KALRN: variants seen among roughly 807,000 people sequenced by gnomAD.
The protein encoded by KALRN is kalirin.
KALRN carries 70 observed loss-of-function variants against 353.7 expected under a neutral mutation model. That is an observed-to-expected ratio of 0.20 (90% confidence interval 0.16 to 0.24). KALRN has a LOEUF of 0.24. Among genes scored for constraint, KALRN ranks in the 10% least tolerant of loss-of-function variants. KALRN has a pLI of 1.00. For synonymous variants in KALRN, 1,391 were observed against 1,434.8 expected (o/e 0.97, Z 0.69); for missense variants, 2,791 against 3,756.7 (o/e 0.74, Z 6.72).
intron 34 of KALRN, among the ~76,000 whole-genome samples, chr3:124,590,556 A>G (rs1312770124): frequency 6.6e-6 from 1 of 152,090 alleles, no homozygotes; most frequent in African/African-American, 2.4e-5. Context: ...CTGATATTCT[A>G]TTTTGTGGTA....
rs2063381701 is a variant in KALRN at position 124,723,303 on chromosome 3, C to T, written c.*3833C>T. The T allele has an allele frequency of 6.6e-6, 1 of 152,146 alleles. No individual in the cohort carries two copies. Among genetic ancestry groups the T allele is most frequent in the African/African-American group, 2.4e-5 (1 of 41,428 alleles). 9.4% of individuals were successfully genotyped at this position (152,146 alleles called of 1,614,324 possible). A position where few individuals can be genotyped will look rare whatever the true frequency, so the allele number is the denominator to read the frequency against. ...AAACATCTGAATATAGGGGTGGGAC[C>T]AGGAATGTTTGAGTTTCAATCTCAG... On this transcript the variant is annotated 3_prime_UTR_variant, in exon 60 of 60. Transcript: ENST00000682506.
intron 3 of KALRN, among the ~76,000 whole-genome samples, chr3:124,259,095 GA>G (rs1244661548): frequency 2.0e-5 from 3 of 152,206 alleles, no homozygotes; most frequent in African/African-American, 7.2e-5. Context: ...TAGGAAAGGG[GA>G]AAAACCAACT....
chr3:124,606,225 G>A (rs1046069988), intron 34 of KALRN, among the ~76,000 whole-genome samples: 34 of 152,134 alleles, frequency 2.2e-4, no homozygotes, highest in African/African-American at 6.3e-4. Context: ...ATTATACTTC[G>A]GGGCAATTAT....
chr3:124,430,724 G>A lies in KALRN; in HGVS notation c.2778G>A (p.Ser926=), dbSNP rs764238937. 1.8e-5 allele frequency: 29 copies of A among 1,614,118 alleles called. No homozygotes were observed. The highest frequency in any genetic ancestry group is 2.1e-5 in the Non-Finnish European group (25 of 1,180,002). ...NASLVNASSL[S]EAEQLQREHE... The stretch of plus-strand genomic sequence containing the variant: ...GCCTGGTCAATGCCAGCTCTTTGTC[G>A]GAAGCAGAGCAGCTGCAGCGGGAGC... Residue 926 remains serine, a synonymous_variant, in exon 16 of 60, where the codon TCG becomes TCA. Transcript: ENST00000682506.
At chr3:124,102,482 G>A (rs1316605263) in intron 1 of KALRN, among the ~76,000 whole-genome samples, 2 of 152,166 alleles carry the variant, frequency 1.3e-5, no homozygotes, top group African/African-American at 4.8e-5. Flanking sequence ...GTCACTAGGT[G>A]CATGGCTAGT....
chr3:124,133,460 A>G (rs2065549159), intron 1 of KALRN, among the ~76,000 whole-genome samples: 1 of 152,252 alleles, frequency 6.6e-6, no homozygotes, highest in African/African-American at 2.4e-5. Flanking sequence ...GTCTGCTAGA[A>G]TAAGCACAGA....
chr3:124,693,815 A>T lies in KALRN; in HGVS notation c.7389A>T (p.Pro2463=). ...DPNTSMEILN[P]NFIQEVAPEF... ...TTTTTGTTTTTCAGATCTTAAATCC[A>T]AATTTCATCCAAGAAGGTGAGTTAA... Residue 2463 remains proline, a synonymous_variant, in exon 52 of 60, where the codon CCA becomes CCT. Transcript: ENST00000682506. The T allele has an allele frequency of 6.4e-7, 1 of 1,571,390 alleles. No individual in the cohort carries two copies. Among genetic ancestry groups the T allele is most frequent in the Non-Finnish European group, 8.7e-7 (1 of 1,149,068 alleles).
intron 1 of KALRN, among the ~76,000 whole-genome samples, chr3:124,200,925 A>G (rs566523722): frequency 6.6e-6 from 1 of 152,330 alleles, no homozygotes; most frequent in South Asian, 2.1e-4. Context: ...TTTATTATCA[A>G]GGATAGAGAG....
At chr3:124,225,457 C>A (rs957744458) in intron 1 of KALRN, among the ~76,000 whole-genome samples, 7 of 152,206 alleles carry the variant, frequency 4.6e-5, no homozygotes, top group Non-Finnish European at 8.8e-5. Context: ...CCAGGCCCAG[C>A]AGTGGCCTCT....
In KALRN at chr3:124,508,935, A is replaced by G. The variant is rs77665033; in HGVS notation, c.4935+12522A>G. ...AAGTTGAACATCTTTTCCTGTTTGT[A>G]TTGGGCCTTTGATTTTCTCTTTTAT... On this transcript the variant is annotated intron_variant, in intron 33 of 59. Coordinates refer to ENST00000682506, the MANE Select transcript of KALRN (RefSeq NM_001388419.1). Among the ~76,000 whole-genome samples, 1,474 of 152,202 alleles carry G rather than the reference A, an allele frequency of 9.7e-3. 23 individuals carry two copies. The highest frequency in any genetic ancestry group is 0.033 in the African/African-American group (1,371 of 41,528).
intron 10 of KALRN, among the ~76,000 whole-genome samples, chr3:124,368,346 G>GAT (rs2085292396): frequency 2.0e-5 from 3 of 149,152 alleles, no homozygotes; most frequent in South Asian, 2.1e-4. Flanking sequence ...TTTCTCAGAC[G>GAT]GGGCGGCCGG....
intron 5 of KALRN, among the ~76,000 whole-genome samples, chr3:124,275,816 T>C (rs2074653167): frequency 7.9e-6 from 1 of 126,142 alleles, no homozygotes; most frequent in African/African-American, 3.0e-5. Context: ...GTGTAGATTC[T>C]TGGGGGTCCT....
intron 23 of KALRN, among the ~76,000 whole-genome samples, chr3:124,460,859 T>C (rs1220007895): frequency 6.6e-6 from 1 of 152,210 alleles, no homozygotes; most frequent in Non-Finnish European, 1.5e-5. Context: ...TTGTATTATT[T>C]AGAGGCCCAA....
intron 1 of KALRN, chr3:124,152,143 C>A: frequency 7.4e-7 from 1 of 1,349,758 alleles, no homozygotes. Context: ...TCAGATCCTT[C>A]CTGCAGATGA....
chr3:124,539,479 T>G (rs941189977), intron 33 of KALRN, among the ~76,000 whole-genome samples: 1 of 152,090 alleles, frequency 6.6e-6, no homozygotes, highest in African/African-American at 2.4e-5. Flanking sequence ...AGCACCCAAC[T>G]CATTGAGACC....
intron 34 of KALRN, among the ~76,000 whole-genome samples, chr3:124,631,119 G>A (rs1478874570): frequency 2.6e-5 from 4 of 152,166 alleles, no homozygotes; most frequent in African/African-American, 9.7e-5. Context: ...GCAGCCTCCA[G>A]AACACCCCAC....
chr3:124,238,586 C>T (rs2080071046), intron 3 of KALRN, among the ~76,000 whole-genome samples: 1 of 152,190 alleles, frequency 6.6e-6, no homozygotes, highest in African/African-American at 2.4e-5. Context: ...CAGAGTATTA[C>T]CACCCCCACC....
chr3:124,519,968 T>A, intron 33 of KALRN: 7 of 713,974 alleles, frequency 9.8e-6, no homozygotes, highest in Non-Finnish European at 1.2e-5. Flanking sequence ...TGGGGACAGA[T>A]GCAATGAGCG....
chr3:124,714,734 G>T (rs1446805649), intron 58 of KALRN, among the ~76,000 whole-genome samples: 1 of 152,178 alleles, frequency 6.6e-6, no homozygotes. Context: ...GGGGGAAAAG[G>T]GCTGGGCACG....
Sources: allele counts gnomAD v4.1 joint callset (sites outside exome capture counted in the v4.1 genomes callset), GRCh38; gene constraint gnomAD v4.1.1; transcripts MANE v1.5; gene names NCBI Gene and HGNC (gene_info 2026-07-23, HGNC 2026-07-21).